The following COBL variants were observed in gnomAD, a reference collection of about 807,000 sequenced individuals.
The protein encoded by COBL is cordon-bleu WH2 repeat protein.
A neutral mutation model predicts 98.8 loss-of-function variants in COBL; 51 were observed. The ratio of observed to expected loss-of-function variants is 0.52; its 90% confidence interval spans 0.41 to 0.65. The LOEUF is 0.65. Ranked by LOEUF, COBL falls within the 30% of genes least tolerant of loss-of-function variation. COBL has a pLI of 0.00. For missense variants in COBL, 1,617 were observed against 1,617.5 expected (o/e 1.00, Z 0.01); for synonymous variants, 634 against 651.7 (o/e 0.97, Z 0.41).
intron 1 of COBL, among the ~76,000 whole-genome samples, chr7:51,270,673 G>C (rs1798673102): frequency 6.6e-6 from 1 of 152,156 alleles, no homozygotes; most frequent in Non-Finnish European, 1.5e-5. Context: ...AGAGAAAACA[G>C]AGGTGCTAAA....
In COBL at chr7:51,193,400, A is replaced by G; in HGVS notation, c.435T>C (p.Pro145=). The change falls in exon 3 of 13, where the codon CCT becomes CCC. Residue 145 remains proline, a synonymous_variant. Coordinates refer to ENST00000265136, the MANE Select transcript of COBL (RefSeq NM_015198.5). The stretch of plus-strand genomic sequence containing the variant: ...TAACCTCAGGCACCTTAGGGGGACC[A>G]GGCTTAACCTTCTCTTCAGGAACTT... ...KEKVPEEKVK[P]GPPKVPEKSV... is the part of the protein sequence containing the mutation. 1 of 1,614,214 alleles carries G rather than the reference A, an allele frequency of 6.2e-7. No homozygotes were observed. The highest frequency in any genetic ancestry group is 8.5e-7 in the Non-Finnish European group (1 of 1,180,018).
Position 51,286,879 on chromosome 7 carries a change from C to A in COBL, c.41+29714G>T, listed in dbSNP as rs561317662. 2.6e-5 allele frequency among the ~76,000 whole-genome samples: 4 copies of A among 152,234 alleles called. No homozygotes were observed. In the South Asian group the frequency reaches 8.3e-4, roughly 32 times the overall value. On this transcript the variant is annotated intron_variant, in intron 1 of 12. Transcript: ENST00000265136. The stretch of plus-strand genomic sequence containing the variant: ...AACCTAAGTGCCCATCAATGGTGGA[C>A]TGGATTAAAAAAATATGGTACATAT...
intron 1 of COBL, among the ~76,000 whole-genome samples, chr7:51,238,367 ACCCCTGCCCTTC>A (rs1317496363): frequency 2.0e-5 from 3 of 151,804 alleles, no homozygotes; most frequent in Non-Finnish European, 4.4e-5. Context: ...TGAGAAGGAG[ACCCCTGCCCTTC>A]CCTGGGCTTC....
At position 51,158,631 on chromosome 7, in the gene COBL, C is replaced by T. The variant is rs552533826; in HGVS notation, c.784-22300G>A. 3.3e-5 allele frequency among the ~76,000 whole-genome samples: 5 copies of T among 152,096 alleles called. No homozygotes were observed. In the East Asian group the frequency reaches 9.7e-4, roughly 30 times the overall value. On this transcript the variant is annotated intron_variant, in intron 5 of 12. Transcript: ENST00000265136. ...AGGGGCCCAGACCCTGGGGCAGGTG[C>T]CACTAGGAACAGAGCACGGTGGGAG...
At chr7:51,128,806 G>A (rs959955192) in intron 6 of COBL, among the ~76,000 whole-genome samples, 1 of 152,198 alleles carries the variant, frequency 6.6e-6, no homozygotes, top group African/African-American at 2.4e-5. Flanking sequence ...GTGCCTCCCT[G>A]GCCATTCCAG....
At chr7:51,141,458 G>A (rs999997532) in intron 5 of COBL, among the ~76,000 whole-genome samples, 3 of 152,072 alleles carry the variant, frequency 2.0e-5, no homozygotes, top group Non-Finnish European at 4.4e-5. Flanking sequence ...AGATGGCTCT[G>A]TGCCCTAGTG....
At chr7:51,264,462 G>C (rs146469406) in intron 1 of COBL, among the ~76,000 whole-genome samples, 7,293 of 152,106 alleles carry the variant, frequency 0.048, 573 homozygotes, top group African/African-American at 0.16. Flanking sequence ...CCTGAGGTGA[G>C]GAGTTCGAGA....
At chr7:51,035,937 C>T (rs907134052) in intron 8 of COBL, 3 of 152,232 alleles carry the variant, frequency 2.0e-5, no homozygotes, top group African/African-American at 4.8e-5. Flanking sequence ...TCAATGATTC[C>T]GCAGTCACAA....
At chr7:51,291,354 A>T (rs1249165019) in intron 1 of COBL, among the ~76,000 whole-genome samples, 1 of 152,186 alleles carries the variant, frequency 6.6e-6, no homozygotes, top group Non-Finnish European at 1.5e-5. Flanking sequence ...ATCATATACA[A>T]CTGTAAAAAG....
intron 7 of COBL, chr7:51,071,482 G>C (rs771596412): frequency 1.3e-5 from 2 of 152,138 alleles, no homozygotes; most frequent in Non-Finnish European, 2.9e-5. Flanking sequence ...CTAACTTTAT[G>C]ATCAAGTAAA....
intron 7 of COBL, among the ~76,000 whole-genome samples, chr7:51,056,706 T>A (rs1024127687): frequency 1.3e-5 from 2 of 152,010 alleles, no homozygotes; most frequent in African/African-American, 4.8e-5. Flanking sequence ...CCAAGATGAG[T>A]TCTCTTCTGA....
chr7:51,144,101 G>A (rs982721619), intron 5 of COBL, among the ~76,000 whole-genome samples: 2 of 152,196 alleles, frequency 1.3e-5, no homozygotes, highest in Admixed American at 1.3e-4. Context: ...GCTAGCAGAA[G>A]TGTGGTCTCT....
Position 51,214,047 on chromosome 7 carries a change from C to G in COBL, c.245+5694G>C, listed in dbSNP as rs577272306. On this transcript the variant is annotated intron_variant, in intron 2 of 12. Coordinates refer to ENST00000265136, the MANE Select transcript of COBL (RefSeq NM_015198.5). ...TTGGGAGGCCGAGGCAGGCAGATCACTTGAGGTCAGGAGTTCCAGACCAGC... is the reference window on the plus strand; with the variant it reads ...TTGGGAGGCCGAGGCAGGCAGATCAGTTGAGGTCAGGAGTTCCAGACCAGC... Among the ~76,000 whole-genome samples the G allele has an allele frequency of 3.3e-3, 508 of 152,200 alleles. 4 individuals are homozygous for G. Among genetic ancestry groups the G allele is most frequent in the African/African-American group, 0.012 (487 of 41,532 alleles).
chr7:51,073,070 C>T, intron 7 of COBL: 1 of 329,596 alleles, frequency 3.0e-6, no homozygotes, highest in Non-Finnish European at 5.4e-6. Flanking sequence ...AAGCAGAGTT[C>T]TTCACAGGAA....
chr7:51,188,049 G>C (rs1040406602), intron 4 of COBL: 12 of 1,053,230 alleles, frequency 1.1e-5, no homozygotes, highest in African/African-American at 6.6e-5. Context: ...AGCCTCAGAG[G>C]GGGGCTGTCC....
chr7:51,025,258 G>GTGGGGGGGGGGGGGGGCC lies in COBL; in HGVS notation c.3618_3619insGGCCCCCCCCCCCCCCCA (p.Ile1206_Pro1207insGlyProProProProPro). 1 of 725,724 alleles carries GTGGGGGGGGGGGGGGGCC rather than the reference G, an allele frequency of 1.4e-6. No homozygotes were observed. The highest frequency in any genetic ancestry group is 2.4e-6 in the Non-Finnish European group (1 of 411,538). The allele number at this position is 725,724 out of a possible 1,614,324, so 45.0% of individuals were successfully genotyped here. The stretch of plus-strand genomic sequence containing the variant: ...TGGGAGGGTGGAGGGGGTGGTGGGG[G>GTGGGGGGGGGGGGGGGCC]AATGGCTGGTGGGGACAGAAGACCA... On this transcript the variant is annotated inframe_insertion, in exon 12 of 13. Transcript: ENST00000265136.
At chr7:51,270,521 A>C (rs1032476746) in intron 1 of COBL, among the ~76,000 whole-genome samples, 2 of 152,214 alleles carry the variant, frequency 1.3e-5, no homozygotes, top group East Asian at 3.9e-4. Flanking sequence ...CCTTACACTT[A>C]AATAATTTTT....
At chr7:51,154,394 G>C (rs1050382446) in intron 5 of COBL, among the ~76,000 whole-genome samples, 3 of 152,234 alleles carry the variant, frequency 2.0e-5, no homozygotes, top group South Asian at 4.1e-4. Flanking sequence ...GAGAGGCTTA[G>C]AGCAAGGGTG....
chr7:51,069,223 G>A (rs1029041392), intron 7 of COBL, among the ~76,000 whole-genome samples: 21 of 152,220 alleles, frequency 1.4e-4, no homozygotes, highest in Non-Finnish European at 3.1e-4. Flanking sequence ...AGCGAAGGGC[G>A]CAGGGATGAG....
Sources: allele counts gnomAD v4.1 joint callset (sites outside exome capture counted in the v4.1 genomes callset), GRCh38; gene constraint gnomAD v4.1.1; transcripts MANE v1.5; gene names NCBI Gene and HGNC (gene_info 2026-07-23, HGNC 2026-07-21).